MMAA: variants seen among roughly 807,000 people sequenced by gnomAD.
MMAA encodes the protein metabolism of cobalamin associated A, also known as methylmalonic aciduria type A protein, mitochondrial.
MMAA carries 41 observed loss-of-function variants against 45.0 expected under a neutral mutation model. The observed-to-expected ratio is 0.91, with a 90% CI of 0.71 to 1.18. MMAA has a LOEUF of 1.18. Among genes scored for constraint, MMAA ranks in the 50% most tolerant of loss-of-function variants. The pLI, the probability that MMAA is intolerant of heterozygous loss-of-function variation, is 0.00. For missense variants in MMAA, 460 were observed against 495.7 expected, an observed-to-expected ratio of 0.93 and a Z score of 0.68; for synonymous variants, 154 against 178.2, an observed-to-expected ratio of 0.86 and a Z score of 1.08.
intron 1 of MMAA, among the ~76,000 whole-genome samples, chr4:145,632,812 T>C (rs1005828611): frequency 2.0e-5 from 3 of 151,458 alleles, no homozygotes; most frequent in African/African-American, 7.3e-5. Context: ...GGCTGGAGTG[T>C]AGTGGTGTGA....
At chr4:145,625,666 T>C in intron 1 of MMAA, 1 of 1,288,860 alleles carries the variant, frequency 7.8e-7, no homozygotes, top group Non-Finnish European at 1.1e-6. Context: ...CTGCCCAGTC[T>C]CTCTAGGCAC....
chr4:145,625,366 G>T, intron 1 of MMAA: 1 of 702,304 alleles, frequency 1.4e-6, no homozygotes, highest in Admixed American at 1.8e-5. Flanking sequence ...GCCAGTCCTG[G>T]GGGTTGGTGC....
intron 1 of MMAA, among the ~76,000 whole-genome samples, chr4:145,631,762 T>A (rs1049865117): frequency 2.0e-5 from 3 of 152,172 alleles, no homozygotes; most frequent in Non-Finnish European, 4.4e-5. Context: ...TGTGCTGATA[T>A]GATTTAGTTT....
chr4:145,621,161 G>A (rs1734081234), intron 1 of MMAA, among the ~76,000 whole-genome samples: 1 of 152,194 alleles, frequency 6.6e-6, no homozygotes, highest in South Asian at 2.1e-4. Context: ...TACTCACCAT[G>A]ATCCTGATAC....
At chr4:145,645,326 C>T (rs1727896768) in intron 3 of MMAA, among the ~76,000 whole-genome samples, 1 of 152,096 alleles carries the variant, frequency 6.6e-6, no homozygotes, top group Non-Finnish European at 1.5e-5. Flanking sequence ...TGAAAAGGTT[C>T]CAGGCAGACT....
At chr4:145,630,004 G>C (rs555047416) in intron 1 of MMAA, among the ~76,000 whole-genome samples, 3 of 152,234 alleles carry the variant, frequency 2.0e-5, no homozygotes, top group African/African-American at 7.2e-5. Context: ...GGGTATCAGA[G>C]TAATACTGGC....
At chr4:145,647,943 G>A (rs1211963302) in intron 4 of MMAA, among the ~76,000 whole-genome samples, 4 of 151,670 alleles carry the variant, frequency 2.6e-5, no homozygotes, top group East Asian at 1.9e-4. Context: ...TGCAACCTCC[G>A]CCTCCCGGGT....
rs576544645 is a variant in MMAA at position 145,658,469 on chromosome 4, A to C, written c.*3035A>C. On this transcript the variant is annotated 3_prime_UTR_variant, in exon 7 of 7. Transcript: ENST00000649156. ...ATGTGCTGAGCTCCAAAACTGACAG[A>C]CATTTTGCTAAAACAATATCAAATC... is the stretch of plus-strand genomic sequence containing the variant. 1.3e-3 allele frequency: 198 copies of C among 152,346 alleles called. 1 individual carries two copies. The highest frequency in any genetic ancestry group is 4.2e-3 in the African/African-American group (174 of 41,582). 9.4% of individuals were successfully genotyped at this position (152,346 alleles called of 1,614,324 possible). A position where few individuals can be genotyped will look rare whatever the true frequency, so the allele number is the denominator to read the frequency against.
chr4:145,656,458 G>A lies in MMAA; in HGVS notation c.*1024G>A, dbSNP rs1728234680. The A allele has an allele frequency of 6.6e-6, 1 of 152,034 alleles. No homozygotes were observed. Among genetic ancestry groups the A allele is most frequent in the African/African-American group, 2.4e-5 (1 of 41,342 alleles). 9.4% of individuals were successfully genotyped at this position (152,034 alleles called of 1,614,324 possible). On this transcript the variant is annotated 3_prime_UTR_variant, in exon 7 of 7. Transcript: ENST00000649156. ...ATTGGCAAATAACTTTCTAAGGTTA[G>A]TGAAGATAGGAAATACTCGAAGGCT...
chr4:145,640,236 C>T (rs1727742356), intron 2 of MMAA, among the ~76,000 whole-genome samples: 5 of 151,972 alleles, frequency 3.3e-5, no homozygotes, highest in Admixed American at 3.3e-4. Context: ...CCTCAGCCTC[C>T]CGAGTAGCTA....
chr4:145,646,104 T>C lies in MMAA; in HGVS notation c.681T>C (p.Ala227=). 6.2e-7 allele frequency: 1 copy of C among 1,614,128 alleles called. No homozygotes were observed. Among genetic ancestry groups the C allele is most frequent in the Non-Finnish European group, 8.5e-7 (1 of 1,179,972 alleles). ...LGGVTRTTNE[A]ILLCEGAGYD... ...GCGTGACAAGGACCACAAATGAAGCTATTCTGTTGTGTGAAGGAGCGGGAT... is the reference window on the plus strand; with the variant it reads ...GCGTGACAAGGACCACAAATGAAGCCATTCTGTTGTGTGAAGGAGCGGGAT... Residue 227 remains alanine (A), a synonymous_variant, in exon 4 of 7, where the codon GCT becomes GCC. Coordinates refer to ENST00000649156, the MANE Select transcript of MMAA (RefSeq NM_172250.3).
rs1195774123 is a variant in MMAA, at chr4:145,657,552, G to A, written c.*2118G>A. On this transcript the variant is annotated 3_prime_UTR_variant, in exon 7 of 7. Transcript: ENST00000649156. ...GCAAGTTTTTTCTCTATGTGCAGTA[G>A]TTTCTTTATCTGTAAAATTAAGATA... is the stretch of plus-strand genomic sequence containing the variant. 6.6e-6 allele frequency: 1 copy of A among 152,098 alleles called. No homozygotes were observed. The highest frequency in any genetic ancestry group is 1.9e-4 in the East Asian group (1 of 5,198). The allele number at this position is 152,098 out of a possible 1,614,324, so 9.4% of individuals were successfully genotyped here.
At position 145,639,083 on chromosome 4, in the gene MMAA, C is replaced by G. The variant is rs1727700656; in HGVS notation, c.-57C>G. On this transcript the variant is annotated 5_prime_UTR_variant, in exon 2 of 7. Transcript: ENST00000649156. The stretch of plus-strand genomic sequence containing the variant: ...GTTTTTCTTTCTTCTAGGGAGGTCA[C>G]AATCACATTGAGCCAAAACGCATCC... 1.3e-6 allele frequency: 2 copies of G among 1,537,316 alleles called. No homozygotes were observed. The highest frequency in any genetic ancestry group is 3.3e-5 in the Admixed American group (2 of 59,912).
chr4:145,652,747 A>ATC (rs1728131526), intron 5 of MMAA, among the ~76,000 whole-genome samples: 2 of 151,720 alleles, frequency 1.3e-5, no homozygotes, highest in Non-Finnish European at 2.9e-5. Context: ...CAACAACAAC[A>ATC]AAAAAACCCA....
intron 1 of MMAA, among the ~76,000 whole-genome samples, chr4:145,620,480 G>T (rs553799957): frequency 6.6e-6 from 1 of 152,264 alleles, no homozygotes; most frequent in South Asian, 2.1e-4. Flanking sequence ...TCCAACACAG[G>T]CCAAAGATCT....
At chr4:145,654,484 GT>G (rs2126629408) in intron 6 of MMAA, among the ~76,000 whole-genome samples, 1 of 152,272 alleles carries the variant, frequency 6.6e-6, no homozygotes, top group East Asian at 1.9e-4. Context: ...TTCCCATTAT[GT>G]TTGTTGGGTG....
At chr4:145,626,992 C>T (rs956699932) in intron 1 of MMAA, among the ~76,000 whole-genome samples, 3 of 152,234 alleles carry the variant, frequency 2.0e-5, no homozygotes, top group South Asian at 2.1e-4. Flanking sequence ...TCCTTTTTCT[C>T]GTTCTTTCTT....
chr4:145,646,454 A>T, intron 4 of MMAA: 1 of 345,066 alleles, frequency 2.9e-6, no homozygotes, highest in Non-Finnish European at 5.4e-6. Flanking sequence ...ATGCTTTGGC[A>T]CAACACCTAT....
rs558712744 is a variant in MMAA at position 145,652,510 on chromosome 4, C to T, written c.819+1363C>T. On this transcript the variant is annotated intron_variant, in intron 5 of 6. Coordinates refer to ENST00000649156, the MANE Select transcript of MMAA (RefSeq NM_172250.3). Reference sequence around the variant, plus strand: ...TTGGGAGGCCGAGGTGGGCGGATCACGAGGTCAGGAGATTGAGACCATCCT... The same window carrying T: ...TTGGGAGGCCGAGGTGGGCGGATCATGAGGTCAGGAGATTGAGACCATCCT... 2.3e-4 allele frequency among the ~76,000 whole-genome samples: 35 copies of T among 152,074 alleles called. No individual in the cohort carries two copies. The South Asian group carries it at 3.1e-3, about 14-fold the overall frequency.
Sources: gnomAD v4.1 joint callset for allele counts (sites outside exome capture counted in the v4.1 genomes callset) on GRCh38, gnomAD v4.1.1 for gene constraint, MANE v1.5 for transcripts, NCBI Gene and HGNC (gene_info 2026-07-23, HGNC 2026-07-21) for gene names.